Variants in NOVA1 observed in about 807,000 individuals in gnomAD.
NOVA1 encodes NOVA alternative splicing regulator 1, also known as RNA-binding protein Nova-1.
Under a neutral mutation model 38.0 loss-of-function variants are expected in NOVA1, and 7 were observed. The ratio of observed to expected loss-of-function variants is 0.18; its 90% CI spans 0.10 to 0.35. The LOEUF (loss-of-function observed/expected upper bound fraction) is 0.35, where lower values mean the gene tolerates loss of function less well. NOVA1 is among the 10% of genes least tolerant of loss of function. The pLI is 1.00. For missense variants in NOVA1, 460 were observed against 616.0 expected (o/e 0.75, Z 2.68); for synonymous variants, 270 against 232.5 (o/e 1.16, Z -1.47).
intron 4 of NOVA1, chr14:26,470,256 A>C: frequency 8.1e-7 from 1 of 1,237,250 alleles, no homozygotes; most frequent in Non-Finnish European, 1.1e-6. Flanking sequence ...AAGTCAGTAT[A>C]GCAAAGCTAA....
chr14:26,596,074 T>C (rs1408162719), intron 1 of NOVA1: 2 of 235,454 alleles, frequency 8.5e-6, no homozygotes, highest in South Asian at 5.3e-5. Flanking sequence ...AAAACAACCA[T>C]TCTCCTACCA....
chr14:26,537,566 T>C (rs1313422668), intron 2 of NOVA1, among the ~76,000 whole-genome samples: 1 of 152,060 alleles, frequency 6.6e-6, no homozygotes, highest in African/African-American at 2.4e-5. Flanking sequence ...AGAACACAAG[T>C]ATAAGATTAT....
intron 2 of NOVA1, among the ~76,000 whole-genome samples, chr14:26,567,468 T>C (rs1892205669): frequency 6.6e-6 from 1 of 151,762 alleles, no homozygotes; most frequent in South Asian, 2.1e-4. Context: ...ATAATTCTGT[T>C]TATTTTTTGT....
At chr14:26,596,439 C>A in intron 1 of NOVA1, 2 of 776,026 alleles carry the variant, frequency 2.6e-6, no homozygotes, top group Non-Finnish European at 1.8e-6. Flanking sequence ...TTTCCGTCAA[C>A]TTGATCACAT....
chr14:26,556,281 T>TA (rs1891473999), intron 2 of NOVA1, among the ~76,000 whole-genome samples: 1 of 151,958 alleles, frequency 6.6e-6, no homozygotes. Flanking sequence ...GTGGTACTGG[T>TA]AAAATAACAG....
At chr14:26,503,161 A>T (rs1194010693) in intron 2 of NOVA1, among the ~76,000 whole-genome samples, 1 of 152,104 alleles carries the variant, frequency 6.6e-6, no homozygotes, top group Non-Finnish European at 1.5e-5. Flanking sequence ...CAACATATGT[A>T]ATAAATGTTA....
intron 2 of NOVA1, among the ~76,000 whole-genome samples, chr14:26,543,676 G>A (rs746113214): frequency 4.6e-5 from 7 of 151,954 alleles, no homozygotes; most frequent in Non-Finnish European, 1.0e-4. Context: ...AGAAATGGAT[G>A]GACATTCATA....
intron 2 of NOVA1, among the ~76,000 whole-genome samples, chr14:26,591,481 T>C (rs1340193432): frequency 1.3e-5 from 2 of 151,746 alleles, no homozygotes; most frequent in African/African-American, 4.8e-5. Flanking sequence ...CCTTAAAATA[T>C]ATATTCCAAC....
At chr14:26,506,622 C>G (rs1887655461) in intron 2 of NOVA1, among the ~76,000 whole-genome samples, 1 of 152,084 alleles carries the variant, frequency 6.6e-6, no homozygotes, top group African/African-American at 2.4e-5. Context: ...CTTTGTTACC[C>G]AGGCTGGAGT....
At chr14:26,479,937 C>T (rs763010914) in intron 3 of NOVA1, 40 bp downstream of exon 3, 6 of 1,602,310 alleles carry the variant, frequency 3.7e-6, no homozygotes, top group Non-Finnish European at 5.1e-6. Context: ...TTATACTATG[C>T]TGTGGATATT....
chr14:26,448,561 T>A lies in NOVA1; in HGVS notation c.922A>T (p.Thr308Ser). ...GTGATGGCCACCAGGTCATTGCCTG[T>A]GAAGCCAGATAAAACTGCTGGAAAG... ...AAFPAVLSGF[T>S]GNDLVAITSA... The change falls in exon 5 of 5, where the codon ACA becomes TCA. Residue 308 changes from threonine (T) to serine (S), a missense_variant. Coordinates refer to ENST00000539517, the MANE Select transcript of NOVA1 (RefSeq NM_002515.3). This position sits in a 1 kb window ranked among gnomAD's most constrained non-coding sequence, Gnocchi z 5.3. The A allele has an allele frequency of 6.2e-7, 1 of 1,614,196 alleles. No homozygotes were observed. Among genetic ancestry groups the A allele is most frequent in the African/African-American group, 1.3e-5 (1 of 75,050 alleles).
At chr14:26,484,777 T>C (rs1322543358) in intron 2 of NOVA1, among the ~76,000 whole-genome samples, 1 of 152,232 alleles carries the variant, frequency 6.6e-6, no homozygotes, top group Non-Finnish European at 1.5e-5. Context: ...TTTTATGCTG[T>C]CAGTAGGTGA....
chr14:26,592,180 A>T (rs1893890149), intron 2 of NOVA1, among the ~76,000 whole-genome samples: 1 of 151,576 alleles, frequency 6.6e-6, no homozygotes, highest in African/African-American at 2.4e-5. Context: ...CCATCCATTA[A>T]ATAATTTTTA....
At chr14:26,466,990 C>T (rs1217162166) in intron 4 of NOVA1, among the ~76,000 whole-genome samples, 1 of 152,116 alleles carries the variant, frequency 6.6e-6, no homozygotes, top group African/African-American at 2.4e-5. Context: ...GTTACAGCAG[C>T]ACAAAATGGA....
At chr14:26,501,903 G>C (rs1208319733) in intron 2 of NOVA1, among the ~76,000 whole-genome samples, 1 of 151,814 alleles carries the variant, frequency 6.6e-6, no homozygotes, top group Non-Finnish European at 1.5e-5. Flanking sequence ...TGGAAATAAA[G>C]ATAAGGAATA....
In NOVA1 at chr14:26,597,515, T is replaced by C. The variant is rs1032206228; in HGVS notation, c.-79A>G. ...TTTTTCTTTTCTTTTTTCTTTTTTT[T>C]TTTTTTTTTTTTTTGCGTTTGGGGT... On this transcript the variant is annotated 5_prime_UTR_variant, in exon 1 of 5. Transcript: ENST00000539517. 1.3e-5 allele frequency: 15 copies of C among 1,158,182 alleles called. No individual in the cohort carries two copies. In the Admixed American group the frequency reaches 1.4e-4, roughly 11 times the overall value. 71.7% of individuals were successfully genotyped at this position (1,158,182 alleles called of 1,614,324 possible). A position where few individuals can be genotyped will look rare whatever the true frequency, so the allele number is the denominator to read the frequency against.
At chr14:26,466,038 G>A (rs543264126) in intron 4 of NOVA1, among the ~76,000 whole-genome samples, 1 of 152,198 alleles carries the variant, frequency 6.6e-6, no homozygotes, top group Admixed American at 6.5e-5. Context: ...TTATGGAGAA[G>A]GTGAATTTTG....
At chr14:26,574,023 CT>C (rs780944723) in intron 2 of NOVA1, among the ~76,000 whole-genome samples, 7,108 of 120,944 alleles carry the variant, frequency 0.059, 126 homozygotes, top group African/African-American at 0.095. Flanking sequence ...AAAGATTACA[CT>C]TTTTTTTTTT....
intron 2 of NOVA1, among the ~76,000 whole-genome samples, chr14:26,550,782 C>T (rs1409120141): frequency 6.6e-6 from 1 of 152,034 alleles, no homozygotes; most frequent in Admixed American, 6.6e-5. Flanking sequence ...GTCCAACAAA[C>T]CTGACCATTA....
Sources: allele counts gnomAD v4.1 joint callset (sites outside exome capture counted in the v4.1 genomes callset), GRCh38; gene constraint gnomAD v4.1.1; non-coding constraint Gnocchi (gnomAD v3.1); transcripts MANE v1.5; gene names NCBI Gene and HGNC (gene_info 2026-07-23, HGNC 2026-07-21).